Variants in RBL1 observed in about 807,000 individuals in gnomAD.
RBL1 encodes the protein RB transcriptional corepressor like 1, also known as retinoblastoma-like protein 1.
A neutral mutation model predicts 123.0 loss-of-function variants in RBL1; 82 were observed. The ratio of observed to expected loss-of-function variants is 0.67; its 90% CI spans 0.56 to 0.80. The LOEUF (loss-of-function observed/expected upper bound fraction) is 0.80. Ranked by LOEUF, RBL1 falls within the 30% of genes least tolerant of loss-of-function variation. The probability of loss-of-function intolerance (pLI) is 0.00; values close to 1 mark genes in which losing one functional copy is unlikely to be tolerated. For missense variants in RBL1, 1,171 were observed against 1,299.6 expected (o/e 0.90, Z 1.52); for synonymous variants, 405 against 441.3 (o/e 0.92, Z 1.03).
At chr20:37,057,000 T>TACCTAC (rs2065020280) in intron 9 of RBL1, among the ~76,000 whole-genome samples, 1 of 124,830 alleles carries the variant, frequency 8.0e-6, no homozygotes, top group African/African-American at 2.9e-5. Context: ...TTTCTATCTA[T>TACCTAC]CTATCTACCT....
At chr20:37,072,251 C>T (rs1342925485) in intron 2 of RBL1, among the ~76,000 whole-genome samples, 1 of 152,168 alleles carries the variant, frequency 6.6e-6, no homozygotes, top group Admixed American at 6.6e-5. Context: ...GGTGGACAAC[C>T]TGAGGTCAGG....
intron 2 of RBL1, among the ~76,000 whole-genome samples, chr20:37,071,746 T>C (rs2065284604): frequency 6.6e-6 from 1 of 152,188 alleles, no homozygotes; most frequent in African/African-American, 2.4e-5. Flanking sequence ...GGCTTGGTGC[T>C]CTCCTCATGG....
chr20:37,056,385 C>T (rs1415185206), intron 9 of RBL1, 127 bp from the exon 10 acceptor site: 51 of 1,267,040 alleles, frequency 4.0e-5, no homozygotes, highest in Admixed American at 2.0e-4. Context: ...GACGGAGTCT[C>T]GCTCTGTAAC....
chr20:37,077,713 T>C (rs2146320008), intron 2 of RBL1, among the ~76,000 whole-genome samples: 1 of 152,178 alleles, frequency 6.6e-6, no homozygotes. Flanking sequence ...ACATATAATT[T>C]TTTTCTGAAC....
At chr20:37,085,899 T>C (rs1188623134) in intron 2 of RBL1, among the ~76,000 whole-genome samples, 1 of 152,052 alleles carries the variant, frequency 6.6e-6, no homozygotes. Context: ...TCCACCCGGC[T>C]TGGTCTCCCA....
chr20:37,037,761 C>T (rs1378499515), intron 14 of RBL1, among the ~76,000 whole-genome samples: 4 of 151,654 alleles, frequency 2.6e-5, no homozygotes, highest in East Asian at 1.9e-4. Context: ...CTGCAACCTC[C>T]GCCTCCTGGG....
chr20:37,089,762 T>C (rs2065617461), intron 1 of RBL1, among the ~76,000 whole-genome samples: 5 of 151,898 alleles, frequency 3.3e-5, no homozygotes, highest in Admixed American at 3.3e-4. Flanking sequence ...TATACAATGG[T>C]GGTCACTTAA....
At chr20:37,003,464 A>C (rs1239703572) in intron 21 of RBL1, 1 of 784,640 alleles carries the variant, frequency 1.3e-6, no homozygotes, top group African/African-American at 1.8e-5. Context: ...TCTTGCTTGA[A>C]CAGGAAAACA....
At chr20:37,025,031 T>G (rs1368325973) in intron 16 of RBL1, among the ~76,000 whole-genome samples, 1 of 152,196 alleles carries the variant, frequency 6.6e-6, no homozygotes, top group African/African-American at 2.4e-5. Context: ...AAAGATGAAA[T>G]TCCTTGGAGA....
At chr20:37,035,949 G>A (rs1008307649) in intron 14 of RBL1, among the ~76,000 whole-genome samples, 6 of 152,132 alleles carry the variant, frequency 3.9e-5, no homozygotes, top group South Asian at 2.1e-4. Flanking sequence ...AGTTTAAGGC[G>A]GTAGCTCTGG....
chr20:37,062,021 A>T, intron 8 of RBL1, 63 bp downstream of exon 8: 2 of 1,436,524 alleles, frequency 1.4e-6, no homozygotes, highest in Non-Finnish European at 9.3e-7. Context: ...TTCTGCTGTT[A>T]GTAGAATCAC....
At chr20:36,998,988 C>T in intron 21 of RBL1, 59 bp from the exon 22 acceptor site, 2 of 1,495,982 alleles carry the variant, frequency 1.3e-6, no homozygotes, top group Non-Finnish European at 1.8e-6. Flanking sequence ...TGGCAGCAAA[C>T]AACCAAGCTA....
intron 12 of RBL1, among the ~76,000 whole-genome samples, chr20:37,045,503 A>G (rs1313611764): frequency 6.6e-6 from 1 of 152,148 alleles, no homozygotes; most frequent in Admixed American, 6.6e-5. Context: ...CTGTAATCCC[A>G]GCACTTTAGG....
intron 6 of RBL1, 77 bp downstream of exon 6, chr20:37,066,647 T>C: frequency 7.2e-7 from 1 of 1,384,588 alleles, no homozygotes; most frequent in Non-Finnish European, 1.0e-6. Context: ...TGCTGAGAAC[T>C]TGCTTAAAAC....
In RBL1 at chr20:37,061,247, G is replaced by T; in HGVS notation, c.1106C>A (p.Thr369Asn). ...TAAATATCTCCGTCCGGTCAGTGGG[G>T]TAGAAGGTGCAAATGACCTTTTCTG... ...FEKKRSFAPSTPLTGRRYLRE... is the reference protein window; with the variant it reads ...FEKKRSFAPSNPLTGRRYLRE... Residue 369 changes from threonine to asparagine, a missense_variant, in exon 9 of 22, where the codon ACC becomes AAC. Thr to Asn is a moderately conservative substitution (Grantham distance 65, BLOSUM62 0). Coordinates refer to ENST00000373664, the MANE Select transcript of RBL1 (RefSeq NM_002895.5). 2 of 1,611,408 alleles carry T rather than the reference G, an allele frequency of 1.2e-6. No homozygotes were observed. Among genetic ancestry groups the T allele is most frequent in the Non-Finnish European group, 1.7e-6 (2 of 1,179,100 alleles).
intron 19 of RBL1, among the ~76,000 whole-genome samples, chr20:37,015,742 T>C (rs2098903839): frequency 6.6e-6 from 1 of 151,346 alleles, no homozygotes; most frequent in South Asian, 2.1e-4. Context: ...GTTTGTTTTT[T>C]TGAGATAGAG....
intron 2 of RBL1, among the ~76,000 whole-genome samples, chr20:37,086,547 T>TAAAAAAAAAAAAA (rs1409594390): frequency 9.2e-5 from 14 of 151,970 alleles, no homozygotes; most frequent in Admixed American, 2.0e-4. Flanking sequence ...TCTCAAAAAA[T>TAAAAAAAAAAAAA]AAAAATAAAA....
intron 1 of RBL1, among the ~76,000 whole-genome samples, chr20:37,093,366 G>A (rs1162565541): frequency 6.7e-6 from 1 of 148,868 alleles, no homozygotes; most frequent in East Asian, 2.0e-4. Context: ...ATTGGGCTGG[G>A]CTCGGTGGCT....
In RBL1 at chr20:37,055,680, CAT is replaced by C. The variant is rs759364797; in HGVS notation, c.1364-26_1364-25del. 7.6e-6 allele frequency: 12 copies of C among 1,572,582 alleles called. No homozygotes were observed. In the African/African-American group the frequency reaches 1.4e-4, roughly 18 times the overall value. On this transcript the variant is annotated intron_variant, in intron 10 of 21. Transcript: ENST00000373664. ...GTCTATCAGGGAAATACAGAGAAAA[CAT>C]GTGTTAATGAATTTTAGTTGTTAAG...
Sources: allele counts gnomAD v4.1 joint callset (sites outside exome capture counted in the v4.1 genomes callset), GRCh38; gene constraint gnomAD v4.1.1; transcripts MANE v1.5; gene names NCBI Gene and HGNC (gene_info 2026-07-23, HGNC 2026-07-21).